TNRC18: variants seen among roughly 807,000 people sequenced by gnomAD.
TNRC18 encodes trinucleotide repeat-containing gene 18 protein.
In TNRC18, 69 loss-of-function variants were observed where a neutral mutation model predicts 226.7. The ratio of observed to expected loss-of-function variants is 0.30; its 90% CI spans 0.25 to 0.37. The LOEUF (loss-of-function observed/expected upper bound fraction) is 0.37, where lower values mean the gene tolerates loss of function less well. Among genes scored for constraint, TNRC18 ranks in the 10% least tolerant of loss-of-function variants. The pLI is 1.00. For missense variants in TNRC18, 4,754 were observed against 4,256.6 expected (o/e 1.12, Z -3.25); for synonymous variants, 2,449 against 1,927.6 (o/e 1.27, Z -7.09).
chr7:5,421,310 A>G lies in TNRC18; in HGVS notation c.-64T>C. On this transcript the variant is annotated 5_prime_UTR_variant, in exon 2 of 30. Transcript: ENST00000430969. The stretch of plus-strand genomic sequence containing the variant: ...CGCAGGCCTAGCTCAGTGGGACCTA[A>G]AAGTTCGGCCTCGGCGTAGTCCCAG... 1.6e-6 allele frequency: 2 copies of G among 1,223,488 alleles called. No individual in the cohort carries two copies. The highest frequency in any genetic ancestry group is 2.0e-6 in the Non-Finnish European group (2 of 977,770). 75.8% of individuals were successfully genotyped at this position (1,223,488 alleles called of 1,614,324 possible).
At chr7:5,339,079 C>G (rs932574618) in intron 18 of TNRC18, among the ~76,000 whole-genome samples, 10 of 152,050 alleles carry the variant, frequency 6.6e-5, no homozygotes, top group African/African-American at 1.9e-4. Flanking sequence ...GCGCAGATCA[C>G]TTGAGATCAG....
At chr7:5,410,860 CAAAAAAAAAAAAA>C (rs34320785) in intron 2 of TNRC18, among the ~76,000 whole-genome samples, 58 of 37,188 alleles carry the variant, frequency 1.6e-3, no homozygotes, top group African/African-American at 4.7e-3. Flanking sequence ...GACTCCATCT[CAAAAAAAAAAAAA>C]AAAAAAAAAA....
chr7:5,391,694 T>C (rs1780310784), intron 3 of TNRC18, among the ~76,000 whole-genome samples: 1 of 150,434 alleles, frequency 6.6e-6, no homozygotes, highest in Non-Finnish European at 1.5e-5. Flanking sequence ...AGAGGAGAAG[T>C]CACCTAAGAG....
At chr7:5,310,024 T>C (rs1196776593) in intron 27 of TNRC18, among the ~76,000 whole-genome samples, 1 of 151,978 alleles carries the variant, frequency 6.6e-6, no homozygotes, top group Non-Finnish European at 1.5e-5. Context: ...GCCATCCTCC[T>C]CCCTCGGCCG....
At chr7:5,420,617 C>A in intron 2 of TNRC18, 1 of 458,768 alleles carries the variant, frequency 2.2e-6, no homozygotes, top group South Asian at 1.5e-5. Context: ...AGTGGTGGAG[C>A]TGGGAACAGA....
At chr7:5,339,870 G>C (rs1020197442) in intron 18 of TNRC18, among the ~76,000 whole-genome samples, 4 of 151,410 alleles carry the variant, frequency 2.6e-5, no homozygotes, top group Non-Finnish European at 4.4e-5. Context: ...ACACCCGGCT[G>C]TATGTTCTTT....
At chr7:5,415,107 T>C (rs1458487794) in intron 2 of TNRC18, among the ~76,000 whole-genome samples, 1 of 152,182 alleles carries the variant, frequency 6.6e-6, no homozygotes, top group African/African-American at 2.4e-5. Context: ...CAAGACCTCA[T>C]GACTGGCTTT....
intron 18 of TNRC18, among the ~76,000 whole-genome samples, chr7:5,337,093 G>A (rs900212264): frequency 5.3e-5 from 8 of 152,108 alleles, no homozygotes; most frequent in Non-Finnish European, 1.0e-4. Context: ...ACAGTCAAAC[G>A]GCTGACAAAG....
intron 2 of TNRC18, among the ~76,000 whole-genome samples, chr7:5,409,121 A>G (rs141456238): frequency 1.3e-5 from 2 of 151,944 alleles, no homozygotes; most frequent in African/African-American, 4.8e-5. Context: ...TCAATGGCCA[A>G]CAAGCCCCAC....
intron 2 of TNRC18, 156 bp downstream of exon 2, chr7:5,420,904 C>T (rs1782536004): frequency 1.1e-6 from 1 of 882,346 alleles, no homozygotes; most frequent in Non-Finnish European, 1.8e-6. Context: ...GCTCCGGGAC[C>T]AGGAGTTTCC....
chr7:5,374,016 G>A, intron 10 of TNRC18, 39 bp downstream of exon 10: 3 of 1,455,314 alleles, frequency 2.1e-6, no homozygotes, highest in South Asian at 2.8e-5. Context: ...ACCGCTCCAG[G>A]GGCAGAGTGA....
intron 2 of TNRC18, among the ~76,000 whole-genome samples, chr7:5,410,626 G>T (rs1462459809): frequency 1.3e-5 from 2 of 151,974 alleles, no homozygotes; most frequent in African/African-American, 4.8e-5. Flanking sequence ...AGCACTCTGG[G>T]AGACCGAGGT....
At chr7:5,393,908 A>C (rs769454822) in intron 3 of TNRC18, among the ~76,000 whole-genome samples, 4 of 151,896 alleles carry the variant, frequency 2.6e-5, no homozygotes, top group Non-Finnish European at 5.9e-5. Context: ...GGGTCTTGCT[A>C]TGTTGCCCAG....
chr7:5,419,870 G>A (rs1183655339), intron 2 of TNRC18: 7 of 152,474 alleles, frequency 4.6e-5, no homozygotes, highest in Non-Finnish European at 1.0e-4. Context: ...CCGCCGAGCG[G>A]GCGGGGCAAG....
rs1583947627 is a variant in TNRC18 at position 5,370,258 on chromosome 7, G to C, written c.4219+117C>G. 11 of 1,238,128 alleles carry C rather than the reference G, an allele frequency of 8.9e-6. No homozygotes were observed. In the African/African-American group the frequency reaches 1.5e-4, roughly 17 times the overall value. The allele number at this position is 1,238,128 out of a possible 1,614,324, so 76.7% of individuals were successfully genotyped here. On this transcript the variant is annotated intron_variant, in intron 11 of 29. Coordinates refer to ENST00000430969, the MANE Select transcript of TNRC18 (RefSeq NM_001080495.3). ...AGATCACTTGAGCCCAGGAGTTTGA[G>C]GCTGCAGTGAGCTAAGATTGTGCCA...
Position 5,313,721 on chromosome 7 carries a change from G to A in TNRC18, c.7170C>T (p.Arg2390=). ...VDKRAKAPKA[R]PAPPQPSPAP... is the part of the protein sequence containing the mutation. The stretch of plus-strand genomic sequence containing the variant: ...CGGGACTGGGCTGCGGCGGTGCCGG[G>A]CGCGCCTTGGGGGCCTTGGCTCGCT... Residue 2390 remains arginine (R), a synonymous_variant, in exon 27 of 30, where the codon CGC becomes CGT. Transcript: ENST00000430969. 6.3e-7 allele frequency: 1 copy of A among 1,583,046 alleles called. No homozygotes were observed. The highest frequency in any genetic ancestry group is 8.6e-7 in the Non-Finnish European group (1 of 1,164,884).
chr7:5,350,216 C>T (rs867182096), intron 17 of TNRC18, among the ~76,000 whole-genome samples: 8 of 151,634 alleles, frequency 5.3e-5, no homozygotes, highest in South Asian at 2.1e-4. Flanking sequence ...CCTCGGAAAA[C>T]GAGGCTGGCC....
At chr7:5,361,495 C>T (rs902324006) in intron 14 of TNRC18, 99 bp downstream of exon 14, 32 of 1,358,440 alleles carry the variant, frequency 2.4e-5, no homozygotes, top group African/African-American at 1.5e-4. Context: ...CCGAGGGACG[C>T]GAGGTCCCCC....
Position 5,325,257 on chromosome 7 carries a change from G to A in TNRC18, c.6148-9C>T, listed in dbSNP as rs757098544. On this transcript the variant is annotated splice_polypyrimidine_tract_variant and intron_variant, in intron 19 of 29. Coordinates refer to ENST00000430969, the MANE Select transcript of TNRC18 (RefSeq NM_001080495.3). ...TCTTTCCCTTTCTTCTTCTGGAGGA[G>A]GAAGCAGCAGAGAGGAGCCATCAAA... 1 of 1,549,100 alleles carries A rather than the reference G, an allele frequency of 6.5e-7. No individual in the cohort carries two copies. The highest frequency in any genetic ancestry group is 8.7e-7 in the Non-Finnish European group (1 of 1,153,452).
Sources: allele counts gnomAD v4.1 joint callset (sites outside exome capture counted in the v4.1 genomes callset), GRCh38; gene constraint gnomAD v4.1.1; transcripts MANE v1.5; gene names NCBI Gene and HGNC (gene_info 2026-07-23, HGNC 2026-07-21).